Variants in B4GALNT2 observed in about 807,000 individuals in gnomAD.
The protein encoded by B4GALNT2 is beta-1,4-N-acetyl-galactosaminyltransferase 2 (SID blood group).
In B4GALNT2, 42 loss-of-function variants were observed where a neutral mutation model predicts 51.1. That is an observed-to-expected ratio of 0.82 (90% CI 0.64 to 1.06). The LOEUF is 1.06. Ranked by LOEUF, B4GALNT2 falls within the 50% of genes least tolerant of loss-of-function variation. The probability of loss-of-function intolerance (pLI) is 0.00; values close to 1 mark genes in which losing one functional copy is unlikely to be tolerated. For synonymous variants in B4GALNT2, 253 were observed against 251.7 expected (o/e 1.01, Z -0.05); for missense variants, 602 against 633.6 (o/e 0.95, Z 0.54).
chr17:49,127,002 C>T, the B4GALNT2 span, among the ~76,000 whole-genome samples: 3 of 152,160 alleles, frequency 2.0e-5, no homozygotes, highest in African/African-American at 4.8e-5. Context: ...CTGTGTCCGG[C>T]CTAAATTGTA....
At chr17:49,144,891 C>T (rs1402474235) in intron 3 of B4GALNT2, among the ~76,000 whole-genome samples, 1 of 152,212 alleles carries the variant, frequency 6.6e-6, no homozygotes, top group African/African-American at 2.4e-5. Context: ...AGTTCCAAAA[C>T]TGAAGAAGCT....
chr17:49,154,647 C>T (rs1008254591), intron 4 of B4GALNT2, among the ~76,000 whole-genome samples: 4 of 151,984 alleles, frequency 2.6e-5, no homozygotes, highest in African/African-American at 9.7e-5. Flanking sequence ...GAGCTCTCTC[C>T]AGGTCCAGCA....
At chr17:49,140,476 T>C (rs1259062101) in intron 1 of B4GALNT2, among the ~76,000 whole-genome samples, 1 of 152,254 alleles carries the variant, frequency 6.6e-6, no homozygotes, top group Non-Finnish European at 1.5e-5. Context: ...GTTCTGCTGC[T>C]TTAAAATATT....
In B4GALNT2 at chr17:49,169,882, A is replaced by T. The variant is rs1263615069; in HGVS notation, c.*154A>T. 1.2e-5 allele frequency: 8 copies of T among 683,804 alleles called. No homozygotes were observed. Among genetic ancestry groups the T allele is most frequent in the Non-Finnish European group, 1.9e-5 (8 of 431,350 alleles). 42.4% of individuals were successfully genotyped at this position (683,804 alleles called of 1,614,324 possible). A position where few individuals can be genotyped will look rare whatever the true frequency, so the allele number is the denominator to read the frequency against. The stretch of plus-strand genomic sequence containing the variant: ...CTCAGTTACTGGAAGTACCAATCAA[A>T]GGTGAAGGGTCACTGGAAATGAACC... On this transcript the variant is annotated 3_prime_UTR_variant, in exon 11 of 11. Coordinates refer to ENST00000393354, the MANE Select transcript of B4GALNT2 (RefSeq NM_001159387.2).
At chr17:49,137,386 A>G (rs986627959) in intron 1 of B4GALNT2, among the ~76,000 whole-genome samples, 1 of 152,156 alleles carries the variant, frequency 6.6e-6, no homozygotes, top group African/African-American at 2.4e-5. Flanking sequence ...GATTCCTCAT[A>G]AAAGGACAAA....
At chr17:49,126,424 T>C in the B4GALNT2 span, among the ~76,000 whole-genome samples, 1 of 150,440 alleles carries the variant, frequency 6.6e-6, no homozygotes, top group Non-Finnish European at 1.5e-5. Context: ...GTTTATCTGC[T>C]GACCTTCCCT....
chr17:49,126,778 T>C, the B4GALNT2 span, among the ~76,000 whole-genome samples: 6 of 151,852 alleles, frequency 4.0e-5, no homozygotes, highest in Admixed American at 1.3e-4. Context: ...CTCACTGCAG[T>C]CTCCACCTCC....
At chr17:49,128,700 TAAC>T, upstream of B4GALNT2, among the ~76,000 whole-genome samples, 1 of 152,218 alleles carries the variant, frequency 6.6e-6, no homozygotes, top group African/African-American at 2.4e-5. Flanking sequence ...CTCGAAATTT[TAAC>T]TTGCCATTAT....
chr17:49,164,251 G>GT lies in B4GALNT2; in HGVS notation c.931dup (p.Tyr311LeufsTer14). On this transcript the variant is annotated frameshift_variant, in exon 8 of 11. Coordinates refer to ENST00000393354, the MANE Select transcript of B4GALNT2 (RefSeq NM_001159387.2). LOFTEE classifies it high-confidence loss of function. The stretch of plus-strand genomic sequence containing the variant: ...TGGAAATTAAAGACAATCACGTGGA[G>GT]TATTACACTATGCCCTTTGGGAAGG... The GT allele has an allele frequency of 6.2e-7, 1 of 1,613,072 alleles. No individual in the cohort carries two copies. The highest frequency in any genetic ancestry group is 1.1e-5 in the South Asian group (1 of 91,072).
chr17:49,162,057 C>T (rs111880860), intron 7 of B4GALNT2, among the ~76,000 whole-genome samples: 10 of 151,572 alleles, frequency 6.6e-5, no homozygotes, highest in East Asian at 2.0e-4. Context: ...GCACGATCTC[C>T]GCTCACTGCA....
At chr17:49,145,199 C>T (rs1385116322) in intron 3 of B4GALNT2, among the ~76,000 whole-genome samples, 1 of 152,046 alleles carries the variant, frequency 6.6e-6, no homozygotes, top group Non-Finnish European at 1.5e-5. Context: ...AACTTGAACC[C>T]ATACACATCT....
In B4GALNT2 at chr17:49,171,682, G is replaced by A. The variant is rs1179294073; in HGVS notation, c.*1954G>A. On this transcript the variant is annotated 3_prime_UTR_variant, in exon 11 of 11. Transcript: ENST00000393354. ...TGTTTAGACCAGCTGAACATAGTGT[G>A]GCTGTGGCACACAGACTGAGAGGTG... is the stretch of plus-strand genomic sequence containing the variant. The A allele has an allele frequency of 5.2e-6, 2 of 387,876 alleles. No individual in the cohort carries two copies. Among genetic ancestry groups the A allele is most frequent in the Non-Finnish European group, 9.8e-6 (2 of 203,114 alleles). 24.0% of individuals were successfully genotyped at this position (387,876 alleles called of 1,614,324 possible).
At chr17:49,128,300 A>T (rs56337939), upstream of B4GALNT2, among the ~76,000 whole-genome samples, 1 of 152,266 alleles carries the variant, frequency 6.6e-6, no homozygotes, top group Non-Finnish European at 1.5e-5. Flanking sequence ...CAGTTTTTGA[A>T]CGGGTCACAG....
upstream of B4GALNT2, among the ~76,000 whole-genome samples, chr17:49,128,023 T>A (rs965762264): frequency 9.9e-5 from 15 of 152,216 alleles, no homozygotes; most frequent in African/African-American, 3.6e-4. Flanking sequence ...ATAGCTTGGA[T>A]ATCCATTTTA....
At chr17:49,133,046 C>T in intron 1 of B4GALNT2, 1 of 1,497,338 alleles carries the variant, frequency 6.7e-7, no homozygotes, top group Admixed American at 2.8e-5. Context: ...CTGGCTTTTC[C>T]GTGGGAAAAT....
Position 49,141,294 on chromosome 17 carries a change from T to C in B4GALNT2, c.62T>C (p.Leu21Pro), listed in dbSNP as rs1029709740. ...AAGATATTGGTCATAATCCTGGTAC[T>C]TGGCATTGTTGGATTTATGTTCGGA... Reference protein sequence around the residue: ...LLKILVIILVLGIVGFMFGSM... With the variant: ...LLKILVIILVPGIVGFMFGSM... The change falls in exon 2 of 11, where the codon CTT becomes CCT. Residue 21 changes from leucine (L) to proline (P), a missense_variant. Leu to Pro is a moderately conservative substitution (Grantham distance 98). Transcript: ENST00000393354. 6 of 1,614,038 alleles carry C rather than the reference T, an allele frequency of 3.7e-6. No homozygotes were observed. The African/African-American group carries it at 5.3e-5, about 14-fold the overall frequency.
intron 5 of B4GALNT2, among the ~76,000 whole-genome samples, chr17:49,157,810 C>T (rs545011998): frequency 2.6e-5 from 4 of 152,280 alleles, no homozygotes; most frequent in Admixed American, 2.0e-4. Context: ...CCCTGCTGCG[C>T]GTAGTTCCAT....
intron 7 of B4GALNT2, 151 bp downstream of exon 7, chr17:49,160,792 C>G: frequency 2.9e-6 from 2 of 695,250 alleles, no homozygotes; most frequent in Non-Finnish European, 4.8e-6. Flanking sequence ...GAAAAAAACT[C>G]TAAGACACAA....
intron 3 of B4GALNT2, among the ~76,000 whole-genome samples, chr17:49,143,367 G>A (rs1164624612): frequency 1.3e-5 from 2 of 152,186 alleles, no homozygotes; most frequent in Non-Finnish European, 2.9e-5. Context: ...AAGGGAACTT[G>A]TTAGAAGGAT....
Sources: allele counts gnomAD v4.1 joint callset (sites outside exome capture counted in the v4.1 genomes callset), GRCh38; gene constraint gnomAD v4.1.1; transcripts MANE v1.5; gene names NCBI Gene and HGNC (gene_info 2026-07-23, HGNC 2026-07-21).